Variants in TRIP4 observed in about 807,000 individuals in gnomAD.
TRIP4 encodes activating signal cointegrator 1.
A neutral mutation model predicts 81.8 loss-of-function variants in TRIP4; 54 were observed. That is an observed-to-expected ratio of 0.66 (90% CI 0.53 to 0.83). The LOEUF (loss-of-function observed/expected upper bound fraction) is 0.83, where lower values mean the gene tolerates loss of function less well. Among genes scored for constraint, TRIP4 ranks in the 40% least tolerant of loss-of-function variants. TRIP4 has a pLI of 0.00. For missense variants in TRIP4, 662 were observed against 683.6 expected, an observed-to-expected ratio of 0.97 and a Z score of 0.35; for synonymous variants, 270 against 242.8, an observed-to-expected ratio of 1.11 and a Z score of -1.04.
chr15:64,435,822 T>TAAAAAAAA (rs57170652), intron 11 of TRIP4, among the ~76,000 whole-genome samples: 2 of 65,970 alleles, frequency 3.0e-5, no homozygotes, highest in African/African-American at 1.4e-4. Context: ...GGAAGCTTCT[T>TAAAAAAAA]AAAAAAAAAA....
chr15:64,418,972 G>C (rs1227851464), intron 9 of TRIP4, among the ~76,000 whole-genome samples: 1 of 152,040 alleles, frequency 6.6e-6, no homozygotes. Flanking sequence ...TAAACAAACT[G>C]AGCATAAAAA....
intron 1 of TRIP4, 92 bp from the exon 2 acceptor site, chr15:64,393,854 G>T: frequency 8.0e-7 from 1 of 1,253,182 alleles, no homozygotes; most frequent in East Asian, 2.6e-5. Context: ...ATAGATTAAT[G>T]AATGGTTTTT....
At chr15:64,446,427 CAG>C (rs201082147) in intron 12 of TRIP4, among the ~76,000 whole-genome samples, 1,699 of 136,182 alleles carry the variant, frequency 0.012, 30 homozygotes, top group African/African-American at 0.046. Flanking sequence ...TTTTTTGAGA[CAG>C]AGTCTCACTC....
intron 11 of TRIP4, among the ~76,000 whole-genome samples, chr15:64,431,847 A>ATATATATATATATATATTTTTT: frequency 1.7e-5 from 2 of 119,560 alleles, no homozygotes; most frequent in Admixed American, 9.7e-5. Flanking sequence ...ATATATATAT[A>ATATATATATATATATATTTTTT]TTTTTTTTAT....
chr15:64,440,238 T>A (rs551774522), intron 11 of TRIP4, among the ~76,000 whole-genome samples: 2 of 150,844 alleles, frequency 1.3e-5, no homozygotes, highest in South Asian at 5.1e-4. Flanking sequence ...AAAATAATAA[T>A]TAATTAATAA....
intron 7 of TRIP4, among the ~76,000 whole-genome samples, chr15:64,412,599 T>TCC (rs1566976752): frequency 6.6e-6 from 1 of 151,278 alleles, no homozygotes; most frequent in Non-Finnish European, 1.5e-5. Context: ...AACAATGTCT[T>TCC]CCCCACCTTT....
chr15:64,408,996 C>G (rs112237565), intron 6 of TRIP4, among the ~76,000 whole-genome samples: 1 of 151,882 alleles, frequency 6.6e-6, no homozygotes, highest in Admixed American at 6.6e-5. Context: ...GGGTGGATCA[C>G]GAGGTCAGGA....
intron 11 of TRIP4, among the ~76,000 whole-genome samples, chr15:64,430,776 AT>A (rs2140304355): frequency 1.3e-5 from 2 of 152,220 alleles, no homozygotes; most frequent in South Asian, 4.1e-4. Context: ...AGTCTATTTG[AT>A]CTTACAGCTT....
In TRIP4 at chr15:64,414,132, C is replaced by T. The variant is rs770397345; in HGVS notation, c.1091C>T (p.Pro364Leu). 2 of 1,614,100 alleles carry T rather than the reference C, an allele frequency of 1.2e-6. No individual in the cohort carries two copies. The highest frequency in any genetic ancestry group is 2.2e-5 in the South Asian group (2 of 91,082). ...ATTGCCAATGGAACCTTGAACCAGC[C>T]ACTGACCAAATTGGATAGATCTTCT... ...QAIANGTLNQ[P>L]LTKLDRSSEE... The change falls in exon 8 of 13, where the codon CCA becomes CTA. Residue 364 changes from proline to leucine, a missense_variant. Physicochemically the swap from Pro to Leu is moderately conservative, Grantham distance 98. Transcript: ENST00000261884.
At chr15:64,417,335 A>G (rs920462531) in intron 8 of TRIP4, among the ~76,000 whole-genome samples, 2 of 151,990 alleles carry the variant, frequency 1.3e-5, no homozygotes, top group African/African-American at 4.8e-5. Context: ...TTAAAGACAC[A>G]GGACCTCACC....
At chr15:64,424,561 G>T (rs539142656) in intron 10 of TRIP4, among the ~76,000 whole-genome samples, 3 of 152,100 alleles carry the variant, frequency 2.0e-5, no homozygotes, top group Non-Finnish European at 4.4e-5. Context: ...TTTAAGCAAC[G>T]TATTTTGGGA....
At chr15:64,420,953 G>A (rs533470261) in intron 9 of TRIP4, among the ~76,000 whole-genome samples, 56 of 152,012 alleles carry the variant, frequency 3.7e-4, no homozygotes, top group Non-Finnish European at 6.5e-4. Flanking sequence ...TGAAATACAC[G>A]CATGTGCTGC....
chr15:64,394,191 T>C, intron 2 of TRIP4, 76 bp downstream of exon 2: 11 of 1,315,990 alleles, frequency 8.4e-6, no homozygotes, highest in Non-Finnish European at 8.0e-6. Context: ...TATTATTTTT[T>C]TTTTTGCCAT....
chr15:64,453,571 C>T (rs1449204689), intron 12 of TRIP4, among the ~76,000 whole-genome samples: 1 of 152,174 alleles, frequency 6.6e-6, no homozygotes, highest in African/African-American at 2.4e-5. Flanking sequence ...AAAAGAACTC[C>T]TAAATCCCTG....
intron 8 of TRIP4, among the ~76,000 whole-genome samples, chr15:64,415,056 C>T (rs1157796323): frequency 1.3e-5 from 2 of 151,366 alleles, no homozygotes; most frequent in East Asian, 3.9e-4. Context: ...GATCATGCCA[C>T]TGCACTCCAG....
chr15:64,389,898 C>T (rs1030105283), intron 1 of TRIP4, among the ~76,000 whole-genome samples: 7 of 150,418 alleles, frequency 4.7e-5, no homozygotes, highest in Non-Finnish European at 1.0e-4. Flanking sequence ...GATGGGGTTT[C>T]ACCATGTTGA....
chr15:64,455,263 T>C lies in TRIP4; in HGVS notation c.*199T>C. On this transcript the variant is annotated 3_prime_UTR_variant, in exon 13 of 13. Transcript: ENST00000261884. ...TACTTTATGTAATGGGGTCGAAATC[T>C]TTGAACACATTATTTATAAAAACCT... 1 of 435,166 alleles carries C rather than the reference T, an allele frequency of 2.3e-6. No individual in the cohort carries two copies. Among genetic ancestry groups the C allele is most frequent in the Non-Finnish European group, 4.2e-6 (1 of 239,886 alleles). 27.0% of individuals were successfully genotyped at this position (435,166 alleles called of 1,614,324 possible). A position where few individuals can be genotyped will look rare whatever the true frequency, so the allele number is the denominator to read the frequency against.
intron 11 of TRIP4, among the ~76,000 whole-genome samples, 174 bp downstream of exon 11, chr15:64,425,805 G>T (rs1202269942): frequency 6.6e-6 from 1 of 152,132 alleles, no homozygotes; most frequent in African/African-American, 2.4e-5. Flanking sequence ...TTTCCAGGCC[G>T]GGCGCTGGTG....
chr15:64,450,687 G>A (rs922561376), intron 12 of TRIP4: 2 of 455,906 alleles, frequency 4.4e-6, no homozygotes, highest in South Asian at 1.5e-5. Context: ...ATGAAAGAAC[G>A]TCTGAATTCC....
Sources: gnomAD v4.1 joint callset for allele counts (sites outside exome capture counted in the v4.1 genomes callset) on GRCh38, gnomAD v4.1.1 for gene constraint, MANE v1.5 for transcripts, NCBI Gene and HGNC (gene_info 2026-07-23, HGNC 2026-07-21) for gene names.